JAM2: variants seen among roughly 807,000 people sequenced by gnomAD.
JAM2 encodes junctional adhesion molecule 2, also known as junctional adhesion molecule B.
Under a neutral mutation model 42.0 loss-of-function variants are expected in JAM2, and 17 were observed. The observed-to-expected ratio is 0.40, with a 90% CI of 0.28 to 0.61. The LOEUF is 0.61. Ranked by LOEUF, JAM2 falls within the 20% of genes least tolerant of loss-of-function variation. The probability of loss-of-function intolerance (pLI) is 0.37; values close to 1 mark genes in which losing one functional copy is unlikely to be tolerated. For synonymous variants in JAM2, 118 were observed against 128.6 expected, an observed-to-expected ratio of 0.92 and a Z score of 0.56; for missense variants, 319 against 358.3, an observed-to-expected ratio of 0.89 and a Z score of 0.89.
chr21:25,687,950 T>C (rs184818052), intron 2 of JAM2, among the ~76,000 whole-genome samples: 4 of 152,378 alleles, frequency 2.6e-5, no homozygotes, highest in Admixed American at 2.0e-4. Context: ...CACTTTATTA[T>C]GTTTCTTGTT....
chr21:25,669,373 AAAAAAAGAAAAAAAAG>A (rs747716431), intron 1 of JAM2, among the ~76,000 whole-genome samples: 15 of 105,336 alleles, frequency 1.4e-4, no homozygotes, highest in East Asian at 9.2e-4. Context: ...CCCTGTCTCA[AAAAAAAGAAAAAAAAG>A]AAAAAAAGAA....
intron 4 of JAM2, among the ~76,000 whole-genome samples, chr21:25,698,249 C>T (rs185751357): frequency 1.3e-5 from 2 of 152,292 alleles, no homozygotes; most frequent in Non-Finnish European, 2.9e-5. Flanking sequence ...TTCATGAAAT[C>T]ATTAGAGACT....
chr21:25,660,188 G>A (rs1437625144), intron 1 of JAM2, among the ~76,000 whole-genome samples: 2 of 152,114 alleles, frequency 1.3e-5, no homozygotes, highest in African/African-American at 4.8e-5. Flanking sequence ...CCCAAAGCCT[G>A]GGATTACAGG....
chr21:25,670,471 G>T (rs2033334093), intron 1 of JAM2, among the ~76,000 whole-genome samples: 1 of 151,702 alleles, frequency 6.6e-6, no homozygotes, highest in Non-Finnish European at 1.5e-5. Context: ...GGGTGGCAGA[G>T]CAAGACCCTG....
intron 3 of JAM2, among the ~76,000 whole-genome samples, chr21:25,693,424 AT>A (rs2033926075): frequency 6.6e-6 from 1 of 151,848 alleles, no homozygotes; most frequent in African/African-American, 2.4e-5. Context: ...CACCCAGCTA[AT>A]TTTTTGTATT....
intron 1 of JAM2, among the ~76,000 whole-genome samples, chr21:25,678,833 T>C (rs1325124473): frequency 1.3e-5 from 2 of 152,220 alleles, no homozygotes; most frequent in Non-Finnish European, 2.9e-5. Context: ...TTTGAGTCAC[T>C]GTGTTGCCCA....
intron 7 of JAM2, among the ~76,000 whole-genome samples, chr21:25,707,311 G>A (rs1175001447): frequency 2.0e-5 from 3 of 151,742 alleles, no homozygotes; most frequent in Non-Finnish European, 2.9e-5. Context: ...GTGAAACCCC[G>A]TCTCTACTAA....
chr21:25,655,280 C>T (rs28486058), intron 1 of JAM2, among the ~76,000 whole-genome samples: 1 of 145,600 alleles, frequency 6.9e-6, no homozygotes, highest in Non-Finnish European at 1.5e-5. Context: ...TGAAAATTTT[C>T]TTAATAAAAA....
chr21:25,648,218 A>G (rs2032668621), intron 1 of JAM2, among the ~76,000 whole-genome samples: 1 of 152,232 alleles, frequency 6.6e-6, no homozygotes, highest in African/African-American at 2.4e-5. Flanking sequence ...CTCAAAAAAA[A>G]AAATTCACTA....
rs185763654 is a variant in JAM2, at chr21:25,673,240, C to T, written c.68-10643C>T. ...AAATTTTTGGGAATTTATTTTACTT[C>T]GAGAAGTTAATTTAATTACTTCATC... On this transcript the variant is annotated intron_variant, in intron 1 of 9. Transcript: ENST00000480456. Among the ~76,000 whole-genome samples, 739 of 152,210 alleles carry T rather than the reference C, an allele frequency of 4.9e-3. 5 individuals are homozygous for T. The highest frequency in any genetic ancestry group is 0.016 in the African/African-American group (678 of 41,514).
chr21:25,709,102 C>T (rs1176112557), intron 7 of JAM2, among the ~76,000 whole-genome samples: 1 of 151,996 alleles, frequency 6.6e-6, no homozygotes, highest in Non-Finnish European at 1.5e-5. Flanking sequence ...CATTCCATTT[C>T]TCTAACTAGT....
At chr21:25,710,750 C>T (rs1173461007) in intron 8 of JAM2, among the ~76,000 whole-genome samples, 3 of 152,116 alleles carry the variant, frequency 2.0e-5, no homozygotes, top group African/African-American at 4.8e-5. Flanking sequence ...TTTAGGCAGT[C>T]GTGAGGAGTC....
chr21:25,675,785 A>G lies in JAM2; in HGVS notation c.68-8098A>G, dbSNP rs184314481. On this transcript the variant is annotated intron_variant, in intron 1 of 9. Transcript: ENST00000480456. The stretch of plus-strand genomic sequence containing the variant: ...GATCCCATCACCCCCCACCAGCCCG[A>G]CTTCCAGCATTAGGAATTACAACTG... Among the ~76,000 whole-genome samples, 3 of 152,100 alleles carry G rather than the reference A, an allele frequency of 2.0e-5. No homozygotes were observed. In the East Asian group the frequency reaches 5.8e-4, roughly 29 times the overall value.
At chr21:25,713,574 C>T (rs1174989140) in intron 9 of JAM2, among the ~76,000 whole-genome samples, 47 of 100,404 alleles carry the variant, frequency 4.7e-4, no homozygotes, top group Middle Eastern at 4.6e-3. Context: ...TGGGGTGGGG[C>T]GGGGGAGCCT....
rs779831539 is a variant in JAM2 at position 25,683,962 on chromosome 21, C to T, written c.133+14C>T. ...TAGAGTACCAAGGTACAGTATCTTA[C>T]TGATTTTCACAGGCTGTATTGTTTA... On this transcript the variant is annotated intron_variant, in intron 2 of 9. Coordinates refer to ENST00000480456, the MANE Select transcript of JAM2 (RefSeq NM_021219.4). The T allele has an allele frequency of 6.5e-7, 1 of 1,533,368 alleles. No individual in the cohort carries two copies. The highest frequency in any genetic ancestry group is 8.9e-7 in the Non-Finnish European group (1 of 1,117,914). The allele number at this position is 1,533,368 out of a possible 1,614,324, so 95.0% of individuals were successfully genotyped here.
At chr21:25,679,884 A>G (rs539069988) in intron 1 of JAM2, among the ~76,000 whole-genome samples, 28 of 152,276 alleles carry the variant, frequency 1.8e-4, no homozygotes, top group African/African-American at 6.3e-4. Context: ...ACAGTAATTA[A>G]CTATGTGGGC....
intron 1 of JAM2, among the ~76,000 whole-genome samples, chr21:25,655,350 A>ATTTTTTTTTTTTTT (rs751257378): frequency 3.0e-5 from 3 of 100,238 alleles, no homozygotes; most frequent in African/African-American, 7.7e-5. Flanking sequence ...CTGAAATTCT[A>ATTTTTTTTTTTTTT]TTTTTTTTTT....
At chr21:25,686,480 G>A (rs2033754159) in intron 2 of JAM2, among the ~76,000 whole-genome samples, 1 of 152,064 alleles carries the variant, frequency 6.6e-6, no homozygotes, top group South Asian at 2.1e-4. Context: ...TTGTTCATTT[G>A]TTATGCCTTG....
At chr21:25,683,149 A>G (rs2033675173) in intron 1 of JAM2, among the ~76,000 whole-genome samples, 1 of 320 alleles carries the variant, frequency 3.1e-3, no homozygotes, top group Non-Finnish European at 6.3e-3. Context: ...GCCTTCTTCT[A>G]CCCAGTACTT....
Sources: allele counts gnomAD v4.1 joint callset (sites outside exome capture counted in the v4.1 genomes callset), GRCh38; gene constraint gnomAD v4.1.1; transcripts MANE v1.5; gene names NCBI Gene and HGNC (gene_info 2026-07-23, HGNC 2026-07-21).